The following OSBPL1A variants were observed in gnomAD, a reference collection of about 807,000 sequenced individuals.
OSBPL1A encodes the protein oxysterol-binding protein-related protein 1.
A neutral mutation model predicts 137.1 loss-of-function variants in OSBPL1A; 80 were observed. The observed-to-expected ratio is 0.58, with a 90% CI of 0.49 to 0.70. The LOEUF is 0.70. Among genes scored for constraint, OSBPL1A ranks in the 30% least tolerant of loss-of-function variants. OSBPL1A has a pLI of 0.00. For synonymous variants in OSBPL1A, 365 were observed against 389.7 expected, an observed-to-expected ratio of 0.94 and a Z score of 0.75; for missense variants, 970 against 1,129.4, an observed-to-expected ratio of 0.86 and a Z score of 2.02.
intron 7 of OSBPL1A, among the ~76,000 whole-genome samples, chr18:24,328,218 ATTTTTTTTTTTTTTTT>A (rs564798076): frequency 6.2e-5 from 3 of 48,598 alleles, no homozygotes; most frequent in African/African-American, 3.1e-4. Flanking sequence ...AATTTTTTGT[ATTTTTTTTTTTTTTTT>A]TTTTTTTTTT....
At position 24,178,205 on chromosome 18, in the gene OSBPL1A, T is replaced by TAAA. The variant is rs370187142; in HGVS notation, c.1911-13_1911-11dup. ...AAATCCAAGGTCATCTCTTAAGATTTAAAAAAAAAAAAAAAGAAAAAAAAA... is the reference window on the plus strand; with the variant it reads ...AAATCCAAGGTCATCTCTTAAGATTTAAAAAAAAAAAAAAAAAAGAAAAAAAAA... On this transcript the variant is annotated splice_polypyrimidine_tract_variant and intron_variant, in intron 20 of 27. Coordinates refer to ENST00000319481, the MANE Select transcript of OSBPL1A (RefSeq NM_080597.4). The TAAA allele has an allele frequency of 2.6e-5, 31 of 1,175,278 alleles. No homozygotes were observed. The highest frequency in any genetic ancestry group is 9.3e-5 in the South Asian group (5 of 53,670). The allele number at this position is 1,175,278 out of a possible 1,614,324, so 72.8% of individuals were successfully genotyped here. A position where few individuals can be genotyped will look rare whatever the true frequency, so the allele number is the denominator to read the frequency against.
chr18:24,274,942 G>A (rs2089812606), intron 15 of OSBPL1A, among the ~76,000 whole-genome samples: 1 of 151,860 alleles, frequency 6.6e-6, no homozygotes, highest in Non-Finnish European at 1.5e-5. Flanking sequence ...TGACTGAGGG[G>A]GAGCTGCTAC....
At chr18:24,354,748 C>CAAAAAAAAAAAAAAAAAAAAAAAA (rs59694707) in intron 4 of OSBPL1A, among the ~76,000 whole-genome samples, 4 of 77,074 alleles carry the variant, frequency 5.2e-5, no homozygotes, top group Non-Finnish European at 4.9e-5. Context: ...CTCAATATAG[C>CAAAAAAAAAAAAAAAAAAAAAAAA]AAAAAAAAAA....
intron 15 of OSBPL1A, among the ~76,000 whole-genome samples, chr18:24,257,360 C>T (rs1206918387): frequency 6.6e-6 from 1 of 152,040 alleles, no homozygotes; most frequent in Non-Finnish European, 1.5e-5. Context: ...GTAAAGGTAC[C>T]AAGAACATAT....
intron 14 of OSBPL1A, chr18:24,302,709 C>T (rs2090426278): frequency 1.3e-5 from 2 of 152,194 alleles, no homozygotes; most frequent in Admixed American, 6.5e-5. Flanking sequence ...GTGTGAGCCA[C>T]AGCGCCCAGC....
At chr18:24,168,886 T>C (rs1006162444) in intron 24 of OSBPL1A, among the ~76,000 whole-genome samples, 10 of 152,226 alleles carry the variant, frequency 6.6e-5, no homozygotes, top group African/African-American at 2.4e-4. Context: ...ATATAAGGAA[T>C]GTTCTCTGGA....
At chr18:24,183,518 C>T (rs2086665174) in intron 18 of OSBPL1A, among the ~76,000 whole-genome samples, 1 of 151,704 alleles carries the variant, frequency 6.6e-6, no homozygotes, top group South Asian at 2.1e-4. Context: ...CTGAAACCTC[C>T]ACTTCCCAGG....
chr18:24,251,904 T>G (rs1436879226), intron 15 of OSBPL1A, among the ~76,000 whole-genome samples: 1 of 152,052 alleles, frequency 6.6e-6, no homozygotes, highest in African/African-American at 2.4e-5. Flanking sequence ...CAAGCAGAAA[T>G]TCTAGAGTTG....
intron 15 of OSBPL1A, among the ~76,000 whole-genome samples, chr18:24,279,884 G>C (rs1255937431): frequency 1.3e-5 from 2 of 152,046 alleles, no homozygotes; most frequent in Non-Finnish European, 1.5e-5. Flanking sequence ...CTGTCACTCA[G>C]GCTGGAGTAC....
At chr18:24,290,181 C>T (rs1051958275) in intron 14 of OSBPL1A, among the ~76,000 whole-genome samples, 18 of 151,936 alleles carry the variant, frequency 1.2e-4, no homozygotes, top group Admixed American at 6.6e-5. Context: ...CTGATGGGAC[C>T]ATCTCTCCAA....
At chr18:24,170,478 T>A (rs766966702) in intron 23 of OSBPL1A, 25 bp from the exon 24 acceptor site, 1 of 1,613,496 alleles carries the variant, frequency 6.2e-7, no homozygotes, top group Non-Finnish European at 8.5e-7. Context: ...TGATGTTTAG[T>A]TAACAAACCA....
In OSBPL1A at chr18:24,196,215, G is replaced by T; in HGVS notation, c.1602-15C>A. ...GCAAACTTGTTCTGAAAAAAGAAAA[G>T]AAAAACATAAAGTTCATTCTAATGC... On this transcript the variant is annotated splice_polypyrimidine_tract_variant and intron_variant, in intron 17 of 27. Transcript: ENST00000319481. The T allele has an allele frequency of 6.3e-7, 1 of 1,583,530 alleles. No individual in the cohort carries two copies. Among genetic ancestry groups the T allele is most frequent in the South Asian group, 1.1e-5 (1 of 89,908 alleles).
At chr18:24,318,342 A>G (rs34360919) in intron 9 of OSBPL1A, among the ~76,000 whole-genome samples, 20,274 of 151,928 alleles carry the variant, frequency 0.13, 1,428 homozygotes, top group South Asian at 0.16. Flanking sequence ...TACTTGGAAG[A>G]CTGAGGCAGG....
At chr18:24,181,840 T>C (rs753280823) in intron 18 of OSBPL1A, among the ~76,000 whole-genome samples, 1 of 152,218 alleles carries the variant, frequency 6.6e-6, no homozygotes, top group Non-Finnish European at 1.5e-5. Flanking sequence ...AAAGAACACC[T>C]TATAAAAGTA....
intron 2 of OSBPL1A, among the ~76,000 whole-genome samples, chr18:24,369,493 C>A (rs185785530): frequency 1.1e-3 from 168 of 152,252 alleles, no homozygotes; most frequent in African/African-American, 3.9e-3. Flanking sequence ...ATTCCAGGGG[C>A]CACTGCAGGG....
chr18:24,321,473 T>C (rs1000350656), intron 7 of OSBPL1A, among the ~76,000 whole-genome samples: 2 of 152,198 alleles, frequency 1.3e-5, no homozygotes, highest in Admixed American at 6.5e-5. Flanking sequence ...ATTTTTGTAT[T>C]TTTTTGTAGG....
At chr18:24,323,547 T>C (rs1402750433) in intron 7 of OSBPL1A, among the ~76,000 whole-genome samples, 1 of 56,410 alleles carries the variant, frequency 1.8e-5, no homozygotes, top group South Asian at 4.3e-4. Context: ...TTCTTTTTTT[T>C]TTTTTTTTTT....
intron 4 of OSBPL1A, among the ~76,000 whole-genome samples, chr18:24,350,157 G>A (rs191318249): frequency 5.9e-5 from 9 of 151,940 alleles, no homozygotes; most frequent in Admixed American, 2.0e-4. Flanking sequence ...ATGAATATTC[G>A]AGTCAATGGG....
intron 2 of OSBPL1A, among the ~76,000 whole-genome samples, chr18:24,371,733 C>G (rs1227568533): frequency 6.6e-6 from 1 of 152,172 alleles, no homozygotes; most frequent in Admixed American, 6.5e-5. Context: ...TGTCAACCCC[C>G]ACCCATTGCA....
Sources: gnomAD v4.1 joint callset for allele counts (sites outside exome capture counted in the v4.1 genomes callset) on GRCh38, gnomAD v4.1.1 for gene constraint, MANE v1.5 for transcripts, NCBI Gene and HGNC (gene_info 2026-07-23, HGNC 2026-07-21) for gene names.